STPG4: variants seen among roughly 807,000 people sequenced by gnomAD.
The protein encoded by STPG4 is sperm-tail PG-rich repeat containing 4, also known as protein STPG4.
In STPG4, 41 loss-of-function variants were observed where a neutral mutation model predicts 31.5. That is an observed-to-expected ratio of 1.30 (90% CI 1.01 to 1.69). The LOEUF (loss-of-function observed/expected upper bound fraction) is 1.69. STPG4 is among the 40% of genes most tolerant of loss of function. The pLI is 0.00. For missense variants in STPG4, 375 were observed against 293.4 expected, an observed-to-expected ratio of 1.28 and a Z score of -2.03; for synonymous variants, 141 against 103.0, an observed-to-expected ratio of 1.37 and a Z score of -2.24.
At chr2:47,141,200 G>C (rs1056989810) in intron 3 of STPG4, among the ~76,000 whole-genome samples, 18 of 152,016 alleles carry the variant, frequency 1.2e-4, no homozygotes, top group African/African-American at 4.3e-4. Context: ...TCCAGGTCTT[G>C]ATAGAAATTT....
At chr2:47,112,764 G>A (rs928800184) in intron 5 of STPG4, among the ~76,000 whole-genome samples, 2 of 152,082 alleles carry the variant, frequency 1.3e-5, no homozygotes, top group African/African-American at 2.4e-5. Context: ...ACACATTTCA[G>A]AAGAATTAGA....
At chr2:47,110,699 T>C (rs78486188) in intron 5 of STPG4, among the ~76,000 whole-genome samples, 4,021 of 152,302 alleles carry the variant, frequency 0.026, 184 homozygotes, top group African/African-American at 0.092. Context: ...TTAAAAGAAT[T>C]TTAATGCATT....
chr2:47,122,099 A>G (rs746025689), intron 5 of STPG4, among the ~76,000 whole-genome samples: 8 of 152,134 alleles, frequency 5.3e-5, no homozygotes, highest in Non-Finnish European at 7.4e-5. Context: ...ACACACTTAA[A>G]TGTTAGTGAG....
intron 2 of STPG4, 24 bp downstream of exon 2, chr2:47,152,933 G>T: frequency 6.5e-7 from 1 of 1,529,024 alleles, no homozygotes; most frequent in South Asian, 1.2e-5. Context: ...AATGTGAATA[G>T]GAAAGACTGA....
At chr2:47,139,526 T>A (rs1263991421) in intron 3 of STPG4, among the ~76,000 whole-genome samples, 1 of 152,112 alleles carries the variant, frequency 6.6e-6, no homozygotes, top group Non-Finnish European at 1.5e-5. Flanking sequence ...GTCCCCCCTG[T>A]TGCCAGCATC....
At chr2:47,097,500 G>A (rs142049537) in intron 5 of STPG4, among the ~76,000 whole-genome samples, 250 of 152,124 alleles carry the variant, frequency 1.6e-3, no homozygotes, top group African/African-American at 5.2e-3. Context: ...GGACTCCTGC[G>A]CTTATAAAAG....
In STPG4 at chr2:47,150,655, T is replaced by TC. The variant is rs1341245505; in HGVS notation, c.399+602_399+603insG. On this transcript the variant is annotated intron_variant, in intron 3 of 6. Coordinates refer to ENST00000445927, the MANE Select transcript of STPG4 (RefSeq NM_001163561.2). Reference sequence around the variant, plus strand: ...CCTGGCTTCCCAAGTAGCTATTTTTTTTTTTTTTTTAAAGAGTTGAGGGCT... The same window carrying TC: ...CCTGGCTTCCCAAGTAGCTATTTTTTCTTTTTTTTTTAAAGAGTTGAGGGCT... 1.0e-3 allele frequency among the ~76,000 whole-genome samples: 152 copies of TC among 151,746 alleles called. 1 individual carries two copies. Among genetic ancestry groups the TC allele is most frequent in the African/African-American group, 3.4e-3 (140 of 41,360 alleles).
At chr2:47,127,249 ATT>A (rs1686382800) in intron 5 of STPG4, among the ~76,000 whole-genome samples, 1 of 73,386 alleles carries the variant, frequency 1.4e-5, no homozygotes, top group Admixed American at 1.9e-4. Context: ...CTTCAAGCTA[ATT>A]CTTTTTTTTT....
chr2:47,103,804 A>T (rs1345832171), intron 5 of STPG4, among the ~76,000 whole-genome samples: 2 of 151,910 alleles, frequency 1.3e-5, no homozygotes, highest in Admixed American at 6.6e-5. Flanking sequence ...AGCTCATGTC[A>T]TCACCCTCAC....
chr2:47,130,378 C>T (rs1686453243), intron 3 of STPG4, 118 bp from the exon 4 acceptor site: 2 of 786,824 alleles, frequency 2.5e-6, no homozygotes, highest in African/African-American at 1.8e-5. Flanking sequence ...TCCTTCTTTA[C>T]TTTAATAGTG....
At chr2:47,101,506 TTC>T (rs1159336114) in intron 5 of STPG4, among the ~76,000 whole-genome samples, 2 of 151,924 alleles carry the variant, frequency 1.3e-5, no homozygotes, top group African/African-American at 4.8e-5. Context: ...CTCACCTCTC[TTC>T]TCTGAGGTTA....
intron 5 of STPG4, among the ~76,000 whole-genome samples, chr2:47,117,069 GC>G (rs963980316): frequency 4.6e-5 from 7 of 152,270 alleles, no homozygotes; most frequent in Admixed American, 3.3e-4. Flanking sequence ...GGTGCCCCTT[GC>G]CTTAACCAAG....
intron 5 of STPG4, among the ~76,000 whole-genome samples, chr2:47,100,784 C>G (rs1015498470): frequency 1.3e-5 from 2 of 151,668 alleles, no homozygotes; most frequent in African/African-American, 2.4e-5. Flanking sequence ...GTAACACTCA[C>G]CACGAAAGTC....
chr2:47,097,253 A>G (rs114429029), intron 5 of STPG4, among the ~76,000 whole-genome samples: 3,061 of 152,334 alleles, frequency 0.02, 45 homozygotes, highest in Non-Finnish European at 0.029. Flanking sequence ...GATATGACTC[A>G]ATCTTACTCC....
chr2:47,145,174 C>A (rs943056250), intron 3 of STPG4, among the ~76,000 whole-genome samples: 1 of 152,198 alleles, frequency 6.6e-6, no homozygotes, highest in African/African-American at 2.4e-5. Context: ...CTAAATTCAA[C>A]AGAACACAGC....
At chr2:47,089,365 G>A (rs1199129301) in intron 6 of STPG4, among the ~76,000 whole-genome samples, 2 of 152,188 alleles carry the variant, frequency 1.3e-5, no homozygotes, top group African/African-American at 4.8e-5. Context: ...CAGCTCTGGG[G>A]CAGAGATTCT....
rs552544251 is a variant in STPG4 at position 47,099,874 on chromosome 2, A to G, written c.520-9500T>C. On this transcript the variant is annotated intron_variant, in intron 5 of 6. Transcript: ENST00000445927. ...CCGGGCAATGAGGGGCTTAGCACCC[A>G]GGCCAGCAGCTGCGGAGGGTGTACT... 1.1e-3 allele frequency among the ~76,000 whole-genome samples: 172 copies of G among 151,728 alleles called. 1 individual carries two copies. The highest frequency in any genetic ancestry group is 4.0e-3 in the African/African-American group (163 of 40,992).
intron 5 of STPG4, among the ~76,000 whole-genome samples, chr2:47,118,950 A>T (rs1024380217): frequency 6.6e-6 from 1 of 152,234 alleles, no homozygotes; most frequent in African/African-American, 2.4e-5. Flanking sequence ...TAATTTTTAG[A>T]ACAATTAAAC....
chr2:47,100,965 C>T (rs1403257203), intron 5 of STPG4, among the ~76,000 whole-genome samples: 2 of 151,916 alleles, frequency 1.3e-5, no homozygotes, highest in African/African-American at 2.4e-5. Flanking sequence ...CAAGAACCCA[C>T]CAATTCTGGA....
Sources: gnomAD v4.1 joint callset for allele counts (sites outside exome capture counted in the v4.1 genomes callset) on GRCh38, gnomAD v4.1.1 for gene constraint, MANE v1.5 for transcripts, NCBI Gene and HGNC (gene_info 2026-07-23, HGNC 2026-07-21) for gene names.